The following ZFYVE21 variants were observed in gnomAD, a reference collection of about 807,000 sequenced individuals.
ZFYVE21 encodes zinc finger FYVE-type containing 21.
ZFYVE21 carries 21 observed loss-of-function variants against 29.5 expected under a neutral mutation model. The ratio of observed to expected loss-of-function variants is 0.71; its 90% CI spans 0.50 to 1.02. The LOEUF (loss-of-function observed/expected upper bound fraction) is 1.02, where lower values mean the gene tolerates loss of function less well. Ranked by LOEUF, ZFYVE21 falls within the 50% of genes least tolerant of loss-of-function variation. ZFYVE21 has a pLI of 0.00. For missense variants in ZFYVE21, 326 were observed against 335.4 expected (o/e 0.97, Z 0.22); for synonymous variants, 151 against 133.8 (o/e 1.13, Z -0.89).
In ZFYVE21 at chr14:103,715,872, G is replaced by C; in HGVS notation, c.31G>C (p.Ala11Pro). 1 of 1,431,320 alleles carries C rather than the reference G, an allele frequency of 7.0e-7. No individual in the cohort carries two copies. 88.7% of individuals were successfully genotyped at this position (1,431,320 alleles called of 1,614,324 possible). The change falls in exon 1 of 7, where the codon GCC becomes CCC. Residue 11 changes from alanine (A) to proline (P), a missense_variant. By Grantham distance (27) the Ala-to-Pro change is conservative. Coordinates refer to ENST00000311141, the MANE Select transcript of ZFYVE21 (RefSeq NM_024071.4). ...CTCCGAGGTGTCCGCGCGCCGCGAC[G>C]CCAAGAAGCTGGTGCGCTCCCCGAG... MSSEVSARRD[A>P]KKLVRSPSGL...
At chr14:103,722,466 C>T (rs1423836577) in intron 1 of ZFYVE21, among the ~76,000 whole-genome samples, 2 of 151,536 alleles carry the variant, frequency 1.3e-5, no homozygotes, top group Non-Finnish European at 2.9e-5. Context: ...GCTGTCCTCC[C>T]AGCTCTGCCT....
At chr14:103,729,640 C>A in intron 5 of ZFYVE21, 1 of 972,058 alleles carries the variant, frequency 1.0e-6, no homozygotes, top group East Asian at 2.6e-5. Flanking sequence ...CTGGGCCTCT[C>A]CACTAAACTC....
chr14:103,732,855 CT>C, intron 6 of ZFYVE21, 93 bp downstream of exon 6: 2 of 1,599,288 alleles, frequency 1.3e-6, no homozygotes, highest in East Asian at 4.5e-5. Flanking sequence ...CATTTGCCCC[CT>C]ATCCCCACAA....
At chr14:103,729,435 C>A in intron 5 of ZFYVE21, 1 of 576,024 alleles carries the variant, frequency 1.7e-6, no homozygotes, top group Non-Finnish European at 3.1e-6. Context: ...ATGATTTCCT[C>A]TGCTCTAAAT....
intron 1 of ZFYVE21, 169 bp from the exon 2 acceptor site, chr14:103,726,622 TG>T: frequency 1.2e-6 from 1 of 804,420 alleles, no homozygotes; most frequent in Non-Finnish European, 2.0e-6. Context: ...CTCTGGAGCC[TG>T]GGCACAGGCG....
chr14:103,722,797 C>T (rs966304157), intron 1 of ZFYVE21, among the ~76,000 whole-genome samples: 1 of 151,340 alleles, frequency 6.6e-6, no homozygotes, highest in African/African-American at 2.4e-5. Flanking sequence ...CCAGCCTGGG[C>T]GACAGACTCC....
At chr14:103,727,030 C>G (rs1339941135) in intron 2 of ZFYVE21, 188 bp downstream of exon 2, 9 of 566,660 alleles carry the variant, frequency 1.6e-5, no homozygotes, top group Non-Finnish European at 1.2e-5. Context: ...ACTGCAACCT[C>G]TGCCTCTCAG....
chr14:103,717,114 G>A (rs2083830512), intron 1 of ZFYVE21, among the ~76,000 whole-genome samples: 1 of 152,118 alleles, frequency 6.6e-6, no homozygotes, highest in African/African-American at 2.4e-5. Context: ...GGGACAGGAC[G>A]GAATTCGAGT....
chr14:103,726,406 G>A (rs773713333), intron 1 of ZFYVE21: 5 of 170,480 alleles, frequency 2.9e-5, no homozygotes, highest in South Asian at 2.9e-4. Context: ...CCTTCGTGGC[G>A]TTGCTCTTTG....
rs775035762 is a variant in ZFYVE21, at chr14:103,727,804, C to G, written c.248C>G (p.Pro83Arg). 1 of 1,612,572 alleles carries G rather than the reference C, an allele frequency of 6.2e-7. No homozygotes were observed. Among genetic ancestry groups the G allele is most frequent in the African/African-American group, 1.3e-5 (1 of 74,930 alleles). Residue 83 changes from proline to arginine, a missense_variant, in exon 3 of 7, where the codon CCG becomes CGG. Physicochemically the swap from Pro to Arg is moderately radical, Grantham distance 103 (BLOSUM62 -2). Transcript: ENST00000311141. ...FCDRCCSQKVPLRRMCFVDPV... is the reference protein window; with the variant it reads ...FCDRCCSQKVRLRRMCFVDPV... ...GACAGGTGCTGCAGCCAGAAGGTGC[C>G]GCTGCGGCGCATGTGCTTTGTGGAC... is the stretch of plus-strand genomic sequence containing the variant.
At chr14:103,722,559 C>T (rs1361848159) in intron 1 of ZFYVE21, among the ~76,000 whole-genome samples, 1 of 151,970 alleles carries the variant, frequency 6.6e-6, no homozygotes, top group Non-Finnish European at 1.5e-5. Context: ...GTGGCTCACG[C>T]CTGTAATCCC....
Position 103,715,854 on chromosome 14 carries a change from G to C in ZFYVE21, c.13G>C (p.Val5Leu). 1 of 1,421,858 alleles carries C rather than the reference G, an allele frequency of 7.0e-7. No individual in the cohort carries two copies. Among genetic ancestry groups the C allele is most frequent in the Non-Finnish European group, 9.2e-7 (1 of 1,083,234 alleles). 88.1% of individuals were successfully genotyped at this position (1,421,858 alleles called of 1,614,324 possible). A position where few individuals can be genotyped will look rare whatever the true frequency, so the allele number is the denominator to read the frequency against. MSSE[V>L]SARRDAKKLV... ...CTGAGGCGGCGTCATGTCCTCCGAG[G>C]TGTCCGCGCGCCGCGACGCCAAGAA... Residue 5 changes from valine (V) to leucine (L), a missense_variant, in exon 1 of 7, where the codon GTG becomes CTG. Transcript: ENST00000311141.
At chr14:103,721,444 C>T (rs577182580) in intron 1 of ZFYVE21, among the ~76,000 whole-genome samples, 1 of 152,358 alleles carries the variant, frequency 6.6e-6, no homozygotes, top group South Asian at 2.1e-4. Flanking sequence ...ATTGGCCCTG[C>T]AAGGTGGCCA....
At chr14:103,731,759 G>C (rs777441103) in intron 5 of ZFYVE21, 2 of 152,330 alleles carry the variant, frequency 1.3e-5, no homozygotes, top group Non-Finnish European at 2.9e-5. Flanking sequence ...CTGATGGGGG[G>C]ATGTGTGTCT....
intron 1 of ZFYVE21, among the ~76,000 whole-genome samples, chr14:103,720,050 C>T (rs904738716): frequency 7.9e-5 from 12 of 152,118 alleles, no homozygotes; most frequent in African/African-American, 2.4e-4. Flanking sequence ...CTGATAGTAA[C>T]GCACGTGTTT....
chr14:103,718,379 G>A (rs909505248), intron 1 of ZFYVE21, among the ~76,000 whole-genome samples: 1 of 152,186 alleles, frequency 6.6e-6, no homozygotes, highest in Non-Finnish European at 1.5e-5. Context: ...TTAAAATGCT[G>A]CAAAACCCCC....
chr14:103,732,595 G>A (rs549532157), intron 5 of ZFYVE21, 25 bp from the exon 6 acceptor site: 59 of 1,542,394 alleles, frequency 3.8e-5, no homozygotes, highest in East Asian at 3.0e-4. Flanking sequence ...CCTTTGGGCC[G>A]TCTTACCTCG....
Position 103,732,856 on chromosome 14 carries a change from T to TATC in ZFYVE21, c.669+95_669+97dup. Reference sequence around the variant, plus strand: ...GCTCTGTGTCCTGCCATTTGCCCCCTATCCCCACAACCTGTTCCCCCTCAG... The same window carrying TATC: ...GCTCTGTGTCCTGCCATTTGCCCCCTATCATCCCCACAACCTGTTCCCCCTCAG... On this transcript the variant is annotated intron_variant, in intron 6 of 6. Transcript: ENST00000311141. The TATC allele has an allele frequency of 3.1e-6, 5 of 1,599,512 alleles. No homozygotes were observed. In the South Asian group the frequency reaches 5.5e-5, roughly 18 times the overall value.
At position 103,727,722 on chromosome 14, in the gene ZFYVE21, G is replaced by A. The variant is rs201354283; in HGVS notation, c.190-24G>A. Reference sequence around the variant, plus strand: ...CGCTTGTTCCCTGCCCCTCCTCACTGCCAATCCTCCCGCATCTGCCCAGCA... The same window carrying A: ...CGCTTGTTCCCTGCCCCTCCTCACTACCAATCCTCCCGCATCTGCCCAGCA... On this transcript the variant is annotated intron_variant, in intron 2 of 6. Coordinates refer to ENST00000311141, the MANE Select transcript of ZFYVE21 (RefSeq NM_024071.4). 350 of 1,598,948 alleles carry A rather than the reference G, an allele frequency of 2.2e-4. 1 individual carries two copies. In the African/African-American group the frequency reaches 4.1e-3, roughly 19 times the overall value.
Sources: gnomAD v4.1 joint callset for allele counts (sites outside exome capture counted in the v4.1 genomes callset) on GRCh38, gnomAD v4.1.1 for gene constraint, MANE v1.5 for transcripts, NCBI Gene and HGNC (gene_info 2026-07-23, HGNC 2026-07-21) for gene names.